ZNF81: variants seen among roughly 807,000 people sequenced by gnomAD.
ZNF81 encodes the protein zinc finger protein 81, also known as zinc finger protein 81 (HFZ20).
In ZNF81, 5 loss-of-function variants were observed where a neutral mutation model predicts 32.3. That is an observed-to-expected ratio of 0.15 (90% confidence interval 0.08 to 0.33). The LOEUF (loss-of-function observed/expected upper bound fraction) is 0.33. Among genes scored for constraint, ZNF81 ranks in the 10% least tolerant of loss-of-function variants. The pLI is 1.00. For missense variants in ZNF81, 379 were observed against 479.8 expected, an observed-to-expected ratio of 0.79 and a Z score of 1.96; for synonymous variants, 163 against 166.8, an observed-to-expected ratio of 0.98 and a Z score of 0.17.
intron 3 of ZNF81, among the ~76,000 whole-genome samples, chrX:47,893,698 A>G (rs1430922262): frequency 9.2e-6 from 1 of 109,228 alleles, no homozygotes; most frequent in Non-Finnish European, 1.9e-5. Context: ...CCTACCTTCT[A>G]GCATGAGAAT....
chrX:47,873,592 A>ACG (rs1556884154), intron 2 of ZNF81, among the ~76,000 whole-genome samples: 7 of 111,490 alleles, frequency 6.3e-5, no homozygotes, highest in Non-Finnish European at 1.3e-4. Flanking sequence ...CCCTTTGTAT[A>ACG]TTGTCCAGGG....
intron 3 of ZNF81, among the ~76,000 whole-genome samples, chrX:47,888,706 A>G (rs1480258910): frequency 1.8e-5 from 2 of 111,620 alleles, no homozygotes; most frequent in Admixed American, 9.5e-5. Flanking sequence ...TACCTTAAAA[A>G]TGTGAAGTGG....
At chrX:47,901,772 G>T (rs5906518) in intron 4 of ZNF81, among the ~76,000 whole-genome samples, 38,983 of 98,188 alleles carry the variant, frequency 0.4, 5,514 homozygotes, top group South Asian at 0.46. Flanking sequence ...GGCGGGGGGG[G>T]GTTCCCTTAT....
At chrX:47,913,653 A>G (rs1257486445) in intron 4 of ZNF81, among the ~76,000 whole-genome samples, 1 of 112,306 alleles carries the variant, frequency 8.9e-6, no homozygotes, top group African/African-American at 3.2e-5. Flanking sequence ...AGGACCACTT[A>G]AATTTGTAGT....
intron 4 of ZNF81, among the ~76,000 whole-genome samples, chrX:47,904,120 T>A (rs1480558843): frequency 2.7e-5 from 3 of 111,709 alleles, no homozygotes; most frequent in Non-Finnish European, 5.6e-5. Flanking sequence ...AGAAGAAAAC[T>A]TAGGCAATAC....
intron 4 of ZNF81, among the ~76,000 whole-genome samples, chrX:47,897,630 A>G (rs1007322156): frequency 8.9e-6 from 1 of 112,359 alleles, no homozygotes; most frequent in Admixed American, 9.4e-5. Context: ...TGCCTACCAC[A>G]AGGCACAAAG....
intron 4 of ZNF81, among the ~76,000 whole-genome samples, chrX:47,904,145 G>A (rs1274187337): frequency 8.9e-6 from 1 of 111,746 alleles, no homozygotes; most frequent in Admixed American, 9.5e-5. Flanking sequence ...CAGGACATAG[G>A]CACGGGCAAG....
intron 2 of ZNF81, among the ~76,000 whole-genome samples, chrX:47,862,111 G>A (rs184575342): frequency 9.0e-6 from 1 of 111,542 alleles, no homozygotes; most frequent in East Asian, 2.8e-4. Flanking sequence ...AGAGTCATTT[G>A]AGGGTTACGT....
chrX:47,908,205 G>GA (rs1315023258), intron 4 of ZNF81, among the ~76,000 whole-genome samples: 4 of 109,982 alleles, frequency 3.6e-5, no homozygotes, highest in Non-Finnish European at 7.6e-5. Context: ...AATCAATAGA[G>GA]AAAAAAATAG....
At chrX:47,880,718 A>G (rs1035603863) in intron 2 of ZNF81, among the ~76,000 whole-genome samples, 2 of 112,350 alleles carry the variant, frequency 1.8e-5, no homozygotes, top group African/African-American at 6.5e-5. Context: ...TGCTATTTCC[A>G]TGATCAGACT....
chrX:47,866,159 A>G (rs1482634570), intron 2 of ZNF81, among the ~76,000 whole-genome samples: 1 of 111,971 alleles, frequency 8.9e-6, no homozygotes, highest in African/African-American at 3.3e-5. Context: ...CTTATAAGCT[A>G]ATAATTGGGC....
intron 2 of ZNF81, among the ~76,000 whole-genome samples, chrX:47,869,896 A>G (rs1455994250): frequency 9.0e-6 from 1 of 110,913 alleles, no homozygotes; most frequent in Non-Finnish European, 1.9e-5. Flanking sequence ...GGGTTTTGTC[A>G]TGTTGTCCAG....
intron 2 of ZNF81, among the ~76,000 whole-genome samples, chrX:47,885,846 T>G (rs2058639631): frequency 8.9e-6 from 1 of 111,973 alleles, no homozygotes; most frequent in Admixed American, 9.4e-5. Context: ...CAACAAACAT[T>G]GAAACCATAG....
intron 4 of ZNF81, among the ~76,000 whole-genome samples, chrX:47,904,764 A>G (rs2058714010): frequency 8.9e-6 from 1 of 111,961 alleles, no homozygotes; most frequent in African/African-American, 3.3e-5. Flanking sequence ...ACATGCACAC[A>G]TATGTTTATT....
chrX:47,863,425 C>T (rs1305104587), intron 2 of ZNF81, among the ~76,000 whole-genome samples: 1 of 111,820 alleles, frequency 8.9e-6, no homozygotes, highest in Non-Finnish European at 1.9e-5. Context: ...AATCATTTGT[C>T]GAGACTGGCT....
intron 2 of ZNF81, among the ~76,000 whole-genome samples, chrX:47,870,230 T>G (rs899168223): frequency 1.8e-5 from 2 of 112,041 alleles, no homozygotes; most frequent in Non-Finnish European, 3.8e-5. Context: ...GAAGATTCAA[T>G]TAAGTTAGGC....
chrX:47,849,094 A>G (rs1556880854), intron 2 of ZNF81, among the ~76,000 whole-genome samples: 1 of 112,357 alleles, frequency 8.9e-6, no homozygotes, highest in Non-Finnish European at 1.9e-5. Flanking sequence ...ATGAATTATA[A>G]GCAATGCTGC....
intron 2 of ZNF81, among the ~76,000 whole-genome samples, chrX:47,862,394 G>A (rs1431324034): frequency 9.1e-6 from 1 of 109,318 alleles, no homozygotes; most frequent in Non-Finnish European, 1.9e-5. Flanking sequence ...GTGGTGGCAG[G>A]TGCCTGTAAT....
intron 4 of ZNF81, among the ~76,000 whole-genome samples, chrX:47,910,575 G>T (rs2058736418): frequency 8.9e-6 from 1 of 112,170 alleles, no homozygotes; most frequent in African/African-American, 3.2e-5. Context: ...TCATTGAAAA[G>T]TCAGGAAACA....
Sources: allele counts gnomAD v4.1 joint callset (sites outside exome capture counted in the v4.1 genomes callset), GRCh38; gene constraint gnomAD v4.1.1; transcripts MANE v1.5; gene names NCBI Gene and HGNC (gene_info 2026-07-23, HGNC 2026-07-21).